Variants in ARHGEF28 observed in about 807,000 individuals in gnomAD.
ARHGEF28 encodes the protein Rho guanine nucleotide exchange factor 28.
Under a neutral mutation model 206.6 loss-of-function variants are expected in ARHGEF28, and 152 were observed. The observed-to-expected ratio is 0.74, with a 90% CI of 0.64 to 0.84. ARHGEF28 has a LOEUF of 0.84. Ranked by LOEUF, ARHGEF28 falls within the 40% of genes least tolerant of loss-of-function variation. The pLI is 0.00. For missense variants in ARHGEF28, 2,028 were observed against 2,073.2 expected (o/e 0.98, Z 0.42); for synonymous variants, 763 against 776.4 (o/e 0.98, Z 0.29).
At chr5:73,747,687 C>CT (rs999993459) in intron 2 of ARHGEF28, among the ~76,000 whole-genome samples, 1 of 152,078 alleles carries the variant, frequency 6.6e-6, no homozygotes, top group Non-Finnish European at 1.5e-5. Context: ...ATATAAGAGA[C>CT]TTTTTTTATT....
At chr5:73,794,840 C>T (rs1754707190) in intron 8 of ARHGEF28, among the ~76,000 whole-genome samples, 2 of 152,186 alleles carry the variant, frequency 1.3e-5, no homozygotes, top group Admixed American at 1.3e-4. Flanking sequence ...CTCGTGACCT[C>T]AGGTGATCTG....
intron 31 of ARHGEF28, chr5:73,901,791 A>C (rs984487493): frequency 6.5e-6 from 1 of 152,780 alleles, no homozygotes; most frequent in African/African-American, 2.4e-5. Flanking sequence ...AATTAATCTG[A>C]CCAGTTTTTG....
intron 2 of ARHGEF28, among the ~76,000 whole-genome samples, chr5:73,727,909 T>C (rs977320612): frequency 1.1e-4 from 16 of 152,284 alleles, no homozygotes; most frequent in African/African-American, 3.9e-4. Context: ...TGAGTTCATT[T>C]TGGGTGACTG....
chr5:73,909,352 G>C lies in ARHGEF28; in HGVS notation c.4162-60G>C, dbSNP rs143848003. On this transcript the variant is annotated intron_variant, in intron 33 of 35. Coordinates refer to ENST00000513042, the MANE Select transcript of ARHGEF28 (RefSeq NM_001177693.2). ...TGTTTCGAGGTAGTTCCAACCGAAA[G>C]GGTAAACAATAACCATGGAACCTTG... The C allele has an allele frequency of 6.9e-4, 1,050 of 1,522,214 alleles. 7 individuals carry two copies. In the African/African-American group the frequency reaches 0.013, roughly 18 times the overall value. The allele number at this position is 1,522,214 out of a possible 1,614,324, so 94.3% of individuals were successfully genotyped here. A position where few individuals can be genotyped will look rare whatever the true frequency, so the allele number is the denominator to read the frequency against.
intron 1 of ARHGEF28, among the ~76,000 whole-genome samples, chr5:73,663,819 AT>A (rs547316742): frequency 2.1e-4 from 32 of 152,222 alleles, no homozygotes; most frequent in Non-Finnish European, 4.4e-4. Flanking sequence ...TGGATTTTAA[AT>A]GCTGACTTTC....
chr5:73,889,314 A>G (rs905913011), intron 26 of ARHGEF28, among the ~76,000 whole-genome samples: 3 of 152,254 alleles, frequency 2.0e-5, no homozygotes, highest in Non-Finnish European at 4.4e-5. Context: ...CCAGAAGATA[A>G]GCAGTTAAAG....
At chr5:73,770,894 C>T (rs1753185665) in intron 4 of ARHGEF28, among the ~76,000 whole-genome samples, 1 of 152,164 alleles carries the variant, frequency 6.6e-6, no homozygotes, top group Admixed American at 6.5e-5. Context: ...TCTCATTGAA[C>T]AAGATGTGAG....
At chr5:73,846,230 C>G (rs766998956) in intron 11 of ARHGEF28, 38 bp from the exon 12 acceptor site, 55 of 1,590,196 alleles carry the variant, frequency 3.5e-5, no homozygotes. Flanking sequence ...CTGTGTCCTT[C>G]CTTGCTTCTT....
chr5:73,812,182 T>C (rs1755880451), intron 9 of ARHGEF28, among the ~76,000 whole-genome samples: 1 of 152,178 alleles, frequency 6.6e-6, no homozygotes, highest in Admixed American at 6.6e-5. Context: ...CCCTTTCTCC[T>C]CTTCTCCCTG....
chr5:73,776,786 G>A lies in ARHGEF28; in HGVS notation c.840+90G>A, dbSNP rs965496026. ...TATTATGAGAACAGTGTTTTTTGGG[G>A]GTAGGACTTTTTTTAATGAAACCTT... On this transcript the variant is annotated intron_variant, in intron 6 of 35. Coordinates refer to ENST00000513042, the MANE Select transcript of ARHGEF28 (RefSeq NM_001177693.2). The A allele has an allele frequency of 5.5e-6, 7 of 1,278,202 alleles. No individual in the cohort carries two copies. The Admixed American group carries it at 1.7e-4, about 31-fold the overall frequency. 79.2% of individuals were successfully genotyped at this position (1,278,202 alleles called of 1,614,324 possible).
intron 1 of ARHGEF28, among the ~76,000 whole-genome samples, chr5:73,673,683 G>GTAATAA (rs1193517026): frequency 6.6e-6 from 1 of 151,908 alleles, no homozygotes; most frequent in African/African-American, 2.4e-5. Flanking sequence ...TACTTAACAT[G>GTAATAA]TAATAATAAT....
intron 2 of ARHGEF28, among the ~76,000 whole-genome samples, chr5:73,731,971 C>A (rs1393197078): frequency 6.6e-6 from 1 of 151,456 alleles, no homozygotes; most frequent in East Asian, 1.9e-4. Context: ...CATAGCCTCC[C>A]CCAGTATCCA....
intron 4 of ARHGEF28, among the ~76,000 whole-genome samples, chr5:73,771,421 AC>A (rs1753215024): frequency 6.6e-6 from 1 of 151,922 alleles, no homozygotes; most frequent in African/African-American, 2.4e-5. Context: ...GATGGCGCGC[AC>A]CTGTAATCCT....
rs565385440 is a variant in ARHGEF28 at position 73,770,613 on chromosome 5, C to T, written c.476-3242C>T. ...TTCCACAGTTTGTTTTGCTGGCTGCCGTTAAGAAATCTGAAACTCTATAAC... is the reference window on the plus strand; with the variant it reads ...TTCCACAGTTTGTTTTGCTGGCTGCTGTTAAGAAATCTGAAACTCTATAAC... On this transcript the variant is annotated intron_variant, in intron 4 of 35. Coordinates refer to ENST00000513042, the MANE Select transcript of ARHGEF28 (RefSeq NM_001177693.2). Among the ~76,000 whole-genome samples the T allele has an allele frequency of 3.9e-5, 6 of 152,254 alleles. No homozygotes were observed. The South Asian group carries it at 6.2e-4, about 16-fold the overall frequency.
chr5:73,776,036 G>A (rs2112451618), intron 5 of ARHGEF28, among the ~76,000 whole-genome samples: 1 of 152,322 alleles, frequency 6.6e-6, no homozygotes, highest in East Asian at 1.9e-4. Flanking sequence ...ATTTACAACA[G>A]TGGTACCATG....
At chr5:73,920,310 T>C (rs770626300) in intron 35 of ARHGEF28, among the ~76,000 whole-genome samples, 4 of 152,216 alleles carry the variant, frequency 2.6e-5, no homozygotes, top group Non-Finnish European at 4.4e-5. Flanking sequence ...GGATTCCTAG[T>C]AGTAGACTTA....
chr5:73,846,263 T>C lies in ARHGEF28; in HGVS notation c.1428-5T>C, dbSNP rs1758350656. The C allele has an allele frequency of 6.2e-7, 1 of 1,612,682 alleles. No individual in the cohort carries two copies. The highest frequency in any genetic ancestry group is 1.1e-5 in the South Asian group (1 of 90,946). ...CTTTACTTACTTGCTGGCTTTGTGC[T>C]TTAGTTCTAGCCTTGATGCCTTGGA... On this transcript the variant is annotated splice_region_variant and splice_polypyrimidine_tract_variant and intron_variant, in intron 11 of 35. Transcript: ENST00000513042.
At chr5:73,793,415 G>A (rs1754602113) in intron 7 of ARHGEF28, among the ~76,000 whole-genome samples, 1 of 152,206 alleles carries the variant, frequency 6.6e-6, no homozygotes, top group South Asian at 2.1e-4. Context: ...AGAAGAGCTT[G>A]AATAAATCCA....
intron 7 of ARHGEF28, among the ~76,000 whole-genome samples, chr5:73,790,370 AC>A (rs1045133889): frequency 2.0e-5 from 3 of 152,142 alleles, no homozygotes; most frequent in Non-Finnish European, 2.9e-5. Context: ...ATGAAAAAAA[AC>A]CTGTATTTTA....
Sources: allele counts gnomAD v4.1 joint callset (sites outside exome capture counted in the v4.1 genomes callset), GRCh38; gene constraint gnomAD v4.1.1; transcripts MANE v1.5; gene names NCBI Gene and HGNC (gene_info 2026-07-23, HGNC 2026-07-21).